The following NPAS3 variants were observed in gnomAD, a reference collection of about 807,000 sequenced individuals.
NPAS3 encodes neuronal PAS domain-containing protein 3.
NPAS3 carries 14 observed loss-of-function variants against 73.1 expected under a neutral mutation model. The ratio of observed to expected loss-of-function variants is 0.19; its 90% CI spans 0.13 to 0.30. The LOEUF is 0.30. Ranked by LOEUF, NPAS3 falls within the 10% of genes least tolerant of loss-of-function variation. The probability of loss-of-function intolerance (pLI) is 1.00; values close to 1 mark genes in which losing one functional copy is unlikely to be tolerated. For missense variants in NPAS3, 1,096 were observed against 1,250.0 expected (o/e 0.88, Z 1.86); for synonymous variants, 620 against 541.5 (o/e 1.14, Z -2.01).
chr14:33,335,030 T>TTGTGTGTGTGGGTG (rs1491383211), intron 3 of NPAS3, among the ~76,000 whole-genome samples: 1 of 144,150 alleles, frequency 6.9e-6, no homozygotes, highest in Non-Finnish European at 1.5e-5. Context: ...TGGTATTCCA[T>TTGTGTGTGTGGGTG]TGTGTGTGTG....
chr14:33,250,470 C>T (rs80317677), intron 3 of NPAS3, among the ~76,000 whole-genome samples: 155 of 152,110 alleles, frequency 1.0e-3, no homozygotes, highest in Non-Finnish European at 1.8e-3. Context: ...TTCCAAAGAG[C>T]GGTATTTTTC....
chr14:33,726,884 T>C (rs766342008), intron 6 of NPAS3, among the ~76,000 whole-genome samples: 2 of 152,138 alleles, frequency 1.3e-5, no homozygotes, highest in Non-Finnish European at 2.9e-5. Context: ...TAGTAGAAGG[T>C]GCACGCTCAG....
Position 33,786,721 on chromosome 14 carries a change from CCT to C in NPAS3, c.1154-7173_1154-7172del, listed in dbSNP as rs371234439. 4.4e-3 allele frequency among the ~76,000 whole-genome samples: 663 copies of C among 152,232 alleles called. 3 individuals carry two copies. The highest frequency in any genetic ancestry group is 0.015 in the African/African-American group (642 of 41,520). On this transcript the variant is annotated intron_variant, in intron 9 of 11. Coordinates refer to ENST00000356141, the Ensembl canonical transcript of NPAS3. ...ATTCAAAGGCAAGTAGAGGTAAATC[CCT>C]CTTTCCAGAGTGAATAAACTTTTTC...
intron 3 of NPAS3, among the ~76,000 whole-genome samples, chr14:33,250,813 T>C (rs925233562): frequency 1.3e-5 from 2 of 152,072 alleles, no homozygotes; most frequent in African/African-American, 4.8e-5. Context: ...TTGAGTAGGG[T>C]TATTTTTTCC....
intron 9 of NPAS3, among the ~76,000 whole-genome samples, chr14:33,788,539 G>A (rs1296531346): frequency 2.6e-5 from 4 of 152,150 alleles, no homozygotes; most frequent in Non-Finnish European, 5.9e-5. Flanking sequence ...TCTTCAAACT[G>A]AATTAGACTG....
intron 9 of NPAS3, chr14:33,780,624 T>G (rs1443409364): frequency 2.2e-6 from 1 of 454,824 alleles, no homozygotes; most frequent in Admixed American, 2.4e-5. Flanking sequence ...TGGGATTTGA[T>G]TTACAGCTTG....
At chr14:33,568,240 A>G (rs1046539726) in intron 5 of NPAS3, among the ~76,000 whole-genome samples, 1 of 152,172 alleles carries the variant, frequency 6.6e-6, no homozygotes, top group African/African-American at 2.4e-5. Flanking sequence ...TTTAGTCATC[A>G]TTCTAAGTCT....
chr14:33,263,924 A>G lies in NPAS3; in HGVS notation c.385+48498A>G, dbSNP rs368358453. 2.0e-4 allele frequency among the ~76,000 whole-genome samples: 30 copies of G among 152,328 alleles called. No homozygotes were observed. In the East Asian group the frequency reaches 3.7e-3, roughly 19 times the overall value. On this transcript the variant is annotated intron_variant, in intron 3 of 11. Coordinates refer to ENST00000356141, the Ensembl canonical transcript of NPAS3. The stretch of plus-strand genomic sequence containing the variant: ...TGACCCAGCCATCCCATTACTGGGT[A>G]TATACCCAAAGGATTATAAATCATG...
chr14:33,514,886 G>C (rs2053226572), intron 4 of NPAS3, among the ~76,000 whole-genome samples: 1 of 152,150 alleles, frequency 6.6e-6, no homozygotes, highest in Non-Finnish European at 1.5e-5. Flanking sequence ...AGAAAATACT[G>C]TAGAATAAAT....
intron 4 of NPAS3, among the ~76,000 whole-genome samples, chr14:33,552,633 G>A (rs568473609): frequency 6.6e-6 from 1 of 151,388 alleles, no homozygotes; most frequent in Non-Finnish European, 1.5e-5. Context: ...TCGACAGGAT[G>A]TAAGGTAAAC....
intron 4 of NPAS3, among the ~76,000 whole-genome samples, chr14:33,386,007 A>G (rs2138531332): frequency 6.6e-6 from 1 of 152,280 alleles, no homozygotes; most frequent in Admixed American, 6.5e-5. Flanking sequence ...AGGAAGTTGT[A>G]GTGATGAGGA....
At chr14:33,016,935 T>C (rs530087108) in intron 1 of NPAS3, among the ~76,000 whole-genome samples, 1 of 152,208 alleles carries the variant, frequency 6.6e-6, no homozygotes, top group Non-Finnish European at 1.5e-5. Context: ...GAAACACTAC[T>C]AAATTCTATT....
intron 1 of NPAS3, among the ~76,000 whole-genome samples, chr14:33,016,615 GAAAAAAAAAA>G (rs10597224): frequency 7.9e-6 from 1 of 126,188 alleles, no homozygotes; most frequent in Non-Finnish European, 1.6e-5. Context: ...AGAAAAAAAG[GAAAAAAAAAA>G]AAAAAAACGA....
In NPAS3 at chr14:33,721,713, G is replaced by A. The variant is rs188265862; in HGVS notation, c.734-13501G>A. ...GTTTCATTTTGCTTGTAACTGAAACGATTAAGAAGGAAACTAAAGAATGCA... is the reference window on the plus strand; with the variant it reads ...GTTTCATTTTGCTTGTAACTGAAACAATTAAGAAGGAAACTAAAGAATGCA... On this transcript the variant is annotated intron_variant, in intron 6 of 11. Transcript: ENST00000356141. Among the ~76,000 whole-genome samples the A allele has an allele frequency of 5.3e-3, 810 of 152,212 alleles. 4 individuals are homozygous for A. The highest frequency in any genetic ancestry group is 0.019 in the African/African-American group (770 of 41,542).
rs1022914377 is a variant in NPAS3 at position 33,678,976 on chromosome 14, C to T, written c.733+2591C>T. On this transcript the variant is annotated intron_variant, in intron 6 of 11. Transcript: ENST00000356141. ...TAGACTGTAGGAGAATATATATCTC[C>T]TTCAACTGTTAACTCTCTCCTTTAA... Among the ~76,000 whole-genome samples, 31 of 152,126 alleles carry T rather than the reference C, an allele frequency of 2.0e-4. 1 individual carries two copies. The highest frequency in any genetic ancestry group is 7.0e-4 in the African/African-American group (29 of 41,420).
chr14:33,413,467 A>G (rs934983439), intron 4 of NPAS3, among the ~76,000 whole-genome samples: 10 of 151,954 alleles, frequency 6.6e-5, no homozygotes, highest in African/African-American at 1.2e-4. Flanking sequence ...TCTTTTGGAG[A>G]TAGATATTGA....
At chr14:33,197,700 T>C (rs1467505603) in intron 2 of NPAS3, among the ~76,000 whole-genome samples, 2 of 152,216 alleles carry the variant, frequency 1.3e-5, no homozygotes, top group Non-Finnish European at 2.9e-5. Flanking sequence ...CTCTAGATAG[T>C]TGCCTTATTC....
chr14:33,773,245 A>G (rs1369239335), intron 7 of NPAS3, among the ~76,000 whole-genome samples: 1 of 152,226 alleles, frequency 6.6e-6, no homozygotes, highest in Non-Finnish European at 1.5e-5. Flanking sequence ...CGTGGCACTC[A>G]GTGATGCATT....
chr14:33,457,911 C>T (rs1018564566), intron 4 of NPAS3, among the ~76,000 whole-genome samples: 23 of 152,198 alleles, frequency 1.5e-4, no homozygotes, highest in African/African-American at 5.3e-4. Flanking sequence ...CAGCGTCTCA[C>T]TGTATCCTGA....
Sources: allele counts gnomAD v4.1 joint callset (sites outside exome capture counted in the v4.1 genomes callset), GRCh38; gene constraint gnomAD v4.1.1; transcripts MANE v1.5; gene names NCBI Gene and HGNC (gene_info 2026-07-23, HGNC 2026-07-21).